The following GDE1 variants were observed in gnomAD, a reference collection of about 807,000 sequenced individuals.
GDE1 encodes the protein glycerophosphodiester phosphodiesterase 1, also known as RGS16-interacting membrane protein.
GDE1 carries 24 observed loss-of-function variants against 32.2 expected under a neutral mutation model. The observed-to-expected ratio is 0.75, with a 90% confidence interval of 0.54 to 1.05. GDE1 has a LOEUF of 1.05. Among genes scored for constraint, GDE1 ranks in the 50% least tolerant of loss-of-function variants. GDE1 has a pLI of 0.00. For missense variants in GDE1, 380 were observed against 415.0 expected (o/e 0.92, Z 0.73); for synonymous variants, 159 against 158.6 (o/e 1.00, Z -0.02).
Position 19,522,093 on chromosome 16 carries a change from C to T in GDE1, c.-129G>A. The T allele has an allele frequency of 4.2e-6, 4 of 946,306 alleles. No individual in the cohort carries two copies. Among genetic ancestry groups the T allele is most frequent in the South Asian group, 1.8e-5 (1 of 55,934 alleles). The allele number at this position is 946,306 out of a possible 1,614,324, so 58.6% of individuals were successfully genotyped here. A position where few individuals can be genotyped will look rare whatever the true frequency, so the allele number is the denominator to read the frequency against. ...GAACCCTCTGAGGGGACCAGCGCCG[C>T]ACAATGGCGGCAGCAGACACATCCA... On this transcript the variant is annotated 5_prime_UTR_variant, in exon 1 of 6. Coordinates refer to ENST00000353258, the MANE Select transcript of GDE1 (RefSeq NM_016641.4).
At position 19,521,820 on chromosome 16, in the gene GDE1, G is replaced by A; in HGVS notation, c.145C>T (p.Pro49Ser). ...FVLLRVFSFE[P>S]VPSCRALQVL... ...TGCAGGGCCCTGCAAGAGGGCACCG[G>A]CTCAAAGCTGAAGACGCGCAGTAGA... The change falls in exon 1 of 6, where the codon CCG (proline) becomes TCG (serine). Residue 49 changes from proline (P) to serine (S), a missense_variant. By Grantham distance (74) the Pro-to-Ser change is moderately conservative. Coordinates refer to ENST00000353258, the MANE Select transcript of GDE1 (RefSeq NM_016641.4). 1 of 1,611,004 alleles carries A rather than the reference G, an allele frequency of 6.2e-7. No individual in the cohort carries two copies. Among genetic ancestry groups the A allele is most frequent in the Non-Finnish European group, 8.5e-7 (1 of 1,179,172 alleles).
intron 5 of GDE1, chr16:19,504,668 A>C (rs1268417907): frequency 2.6e-5 from 13 of 506,914 alleles, no homozygotes; most frequent in Non-Finnish European, 4.2e-5. Context: ...AAATACACTA[A>C]AAAACCGAAA....
chr16:19,517,682 T>C (rs570821107), intron 1 of GDE1, among the ~76,000 whole-genome samples: 3 of 152,334 alleles, frequency 2.0e-5, no homozygotes, highest in Admixed American at 2.0e-4. Flanking sequence ...CTAGGACATA[T>C]CACATTTTGT....
rs1969380492 is a variant in GDE1 at position 19,516,344 on chromosome 16, T to C, written c.437+670A>G. On this transcript the variant is annotated intron_variant, in intron 2 of 5. Coordinates refer to ENST00000353258, the MANE Select transcript of GDE1 (RefSeq NM_016641.4). ...GCCCTTGAGTAAATAATTTAACTTT[T>C]CTGGGATTATATCTAAAGGCAAGAT... is the stretch of plus-strand genomic sequence containing the variant. 2.6e-5 allele frequency among the ~76,000 whole-genome samples: 4 copies of C among 152,294 alleles called. No homozygotes were observed. The South Asian group carries it at 8.3e-4, about 32-fold the overall frequency.
chr16:19,516,875 C>A, intron 2 of GDE1, 139 bp downstream of exon 2: 1 of 637,520 alleles, frequency 1.6e-6, no homozygotes, highest in Non-Finnish European at 2.6e-6. Context: ...CTGGCACTTG[C>A]TCATTACTTA....
chr16:19,515,652 A>G (rs1445327743), intron 2 of GDE1, among the ~76,000 whole-genome samples: 1 of 152,166 alleles, frequency 6.6e-6, no homozygotes, highest in Non-Finnish European at 1.5e-5. Flanking sequence ...AATTCTAGCA[A>G]CTTGGACTCA....
Position 19,513,422 on chromosome 16 carries a change from C to T in GDE1, c.438-2478G>A, listed in dbSNP as rs150409676. Reference sequence around the variant, plus strand: ...TCTTTTACAGCTAGTTCATTATTTACGTATAGACATGCTACTGATTTTTGT... The same window carrying T: ...TCTTTTACAGCTAGTTCATTATTTATGTATAGACATGCTACTGATTTTTGT... On this transcript the variant is annotated intron_variant, in intron 2 of 5. Coordinates refer to ENST00000353258, the MANE Select transcript of GDE1 (RefSeq NM_016641.4). 3.8e-4 allele frequency among the ~76,000 whole-genome samples: 58 copies of T among 151,994 alleles called. 1 individual carries two copies. In the South Asian group the frequency reaches 8.1e-3, roughly 21 times the overall value.
chr16:19,509,066 C>T (rs1969284363), intron 3 of GDE1, among the ~76,000 whole-genome samples: 2 of 152,130 alleles, frequency 1.3e-5, no homozygotes, highest in South Asian at 4.1e-4. Context: ...CTTTGGGAGG[C>T]CAAGGTGGGC....
chr16:19,505,664 A>C (rs1223552143), intron 4 of GDE1, among the ~76,000 whole-genome samples: 1 of 152,128 alleles, frequency 6.6e-6, no homozygotes, highest in Non-Finnish European at 1.5e-5. Flanking sequence ...CTCTGGGGGA[A>C]TGTCTTATAC....
chr16:19,502,222 T>C lies in GDE1; in HGVS notation c.*1248A>G, dbSNP rs994592090. The C allele has an allele frequency of 6.6e-6, 1 of 151,994 alleles. No homozygotes were observed. Among genetic ancestry groups the C allele is most frequent in the African/African-American group, 2.4e-5 (1 of 41,384 alleles). 9.4% of individuals were successfully genotyped at this position (151,994 alleles called of 1,614,324 possible). ...CCAGACTCAAGACACCTTGGGTAAGTGGTTTTATGAAGTACCTCAGTTCTT... is the reference window on the plus strand; with the variant it reads ...CCAGACTCAAGACACCTTGGGTAAGCGGTTTTATGAAGTACCTCAGTTCTT... On this transcript the variant is annotated 3_prime_UTR_variant, in exon 6 of 6. Transcript: ENST00000353258.
rs11551688 is a variant in GDE1, at chr16:19,502,469, C to T, written c.*1001G>A. The stretch of plus-strand genomic sequence containing the variant: ...GTGGTGTAATCATGGCTCATTGCAG[C>T]CTTGAACTTCTGGGCTCAAGTGATC... On this transcript the variant is annotated 3_prime_UTR_variant, in exon 6 of 6. Transcript: ENST00000353258. 2 of 144,086 alleles carry T rather than the reference C, an allele frequency of 1.4e-5. No individual in the cohort carries two copies. Among genetic ancestry groups the T allele is most frequent in the African/African-American group, 2.6e-5 (1 of 38,734 alleles). The allele number at this position is 144,086 out of a possible 1,614,324, so 8.9% of individuals were successfully genotyped here. A position where few individuals can be genotyped will look rare whatever the true frequency, so the allele number is the denominator to read the frequency against.
chr16:19,520,319 T>C (rs1969433628), intron 1 of GDE1, among the ~76,000 whole-genome samples: 1 of 151,560 alleles, frequency 6.6e-6, no homozygotes. Flanking sequence ...GTAGAATCAC[T>C]TGAACCTGGG....
intron 1 of GDE1, among the ~76,000 whole-genome samples, chr16:19,519,927 G>A (rs1006438343): frequency 1.4e-4 from 22 of 152,146 alleles, no homozygotes; most frequent in African/African-American, 5.1e-4. Flanking sequence ...CACAAGAATC[G>A]CTTCAACCTG....
intron 5 of GDE1, chr16:19,504,238 T>C (rs542935250): frequency 1.5e-4 from 23 of 153,056 alleles, no homozygotes; most frequent in African/African-American, 5.1e-4. Context: ...CATCTCTCAC[T>C]CTCCCACTTG....
At position 19,501,832 on chromosome 16, in the gene GDE1, T is replaced by G. The variant is rs1969178287; in HGVS notation, c.*1638A>C. On this transcript the variant is annotated 3_prime_UTR_variant, in exon 6 of 6. Coordinates refer to ENST00000353258, the MANE Select transcript of GDE1 (RefSeq NM_016641.4). ...TGTCACAAAAAAGTTTGCTTCTCAT[T>G]GTCACATAGCTATGGGGACTGGTGG... 4 of 152,200 alleles carry G rather than the reference T, an allele frequency of 2.6e-5. No homozygotes were observed. Among genetic ancestry groups the G allele is most frequent in the African/African-American group, 9.7e-5 (4 of 41,438 alleles). 9.4% of individuals were successfully genotyped at this position (152,200 alleles called of 1,614,324 possible). A position where few individuals can be genotyped will look rare whatever the true frequency, so the allele number is the denominator to read the frequency against.
Position 19,521,787 on chromosome 16 carries a change from T to G in GDE1, c.178A>C (p.Lys60Gln), listed in dbSNP as rs371574971. Residue 60 changes from lysine (K) to glutamine (Q), a missense_variant, in exon 1 of 6, where the codon AAG becomes CAG. Lys to Gln is a moderately conservative substitution (Grantham distance 53, BLOSUM62 1). Transcript: ENST00000353258. Reference sequence around the variant, plus strand: ...ATGGCAGAAATGCGGTCCCGGGGCTTGAGCACCTGCAGGGCCCTGCAAGAG... The same window carrying G: ...ATGGCAGAAATGCGGTCCCGGGGCTGGAGCACCTGCAGGGCCCTGCAAGAG... ...VPSCRALQVL[K>Q]PRDRISAIAH... The G allele has an allele frequency of 1.2e-5, 20 of 1,611,974 alleles. No homozygotes were observed. The highest frequency in any genetic ancestry group is 1.7e-5 in the Non-Finnish European group (20 of 1,179,570).
intron 1 of GDE1, among the ~76,000 whole-genome samples, chr16:19,520,746 A>AG (rs1324384673): frequency 4.0e-5 from 6 of 151,618 alleles, no homozygotes; most frequent in South Asian, 2.1e-4. Context: ...AAAAAGAAGA[A>AG]GAAGGAAGGA....
Position 19,507,775 on chromosome 16 carries a change from G to T in GDE1, c.548C>A (p.Thr183Asn), listed in dbSNP as rs766622096. The T allele has an allele frequency of 7.1e-7, 1 of 1,413,782 alleles. No homozygotes were observed. The allele number at this position is 1,413,782 out of a possible 1,614,324, so 87.6% of individuals were successfully genotyped here. Reference sequence around the variant, plus strand: ...CATATACATTTTCTTTAGAGCCTCAGTAGCCTGTAAAATAAAGAGATTCAT... The same window carrying T: ...CATATACATTTTCTTTAGAGCCTCATTAGCCTGTAAAATAAAGAGATTCAT... ...FDVKGHAHKATEALKKMYMEF... is the reference protein window; with the variant it reads ...FDVKGHAHKANEALKKMYMEF... Residue 183 changes from threonine to asparagine, a missense_variant, in exon 4 of 6, where the codon ACT (threonine) becomes AAT (asparagine). Physicochemically the swap from Thr to Asn is moderately conservative, Grantham distance 65. Transcript: ENST00000353258.
chr16:19,508,356 C>A (rs1414164021), intron 3 of GDE1, among the ~76,000 whole-genome samples: 1 of 152,050 alleles, frequency 6.6e-6, no homozygotes, highest in Admixed American at 6.6e-5. Flanking sequence ...AGTCTAGCTA[C>A]GAAATGAAGA....
Sources: allele counts gnomAD v4.1 joint callset (sites outside exome capture counted in the v4.1 genomes callset), GRCh38; gene constraint gnomAD v4.1.1; transcripts MANE v1.5; gene names NCBI Gene and HGNC (gene_info 2026-07-23, HGNC 2026-07-21).